DYNC1H1: variants seen among roughly 807,000 people sequenced by gnomAD.
The protein encoded by DYNC1H1 is dynein cytoplasmic 1 heavy chain 1.
DYNC1H1 carries 51 observed loss-of-function variants against 527.1 expected under a neutral mutation model. That is an observed-to-expected ratio of 0.10 (90% CI 0.08 to 0.12). DYNC1H1 has a LOEUF of 0.12. DYNC1H1 is among the 10% of genes least tolerant of loss of function. DYNC1H1 has a pLI of 1.00. For missense variants in DYNC1H1, 2,771 were observed against 5,971.8 expected (o/e 0.46, Z 17.66); for synonymous variants, 2,189 against 2,278.8 (o/e 0.96, Z 1.12).
In DYNC1H1 at chr14:102,036,395, C is replaced by A; in HGVS notation, c.10755-94C>A. ...CTCTCGGGTGGTGGTAACAGCCTAT[C>A]AATCAGGGTCTCTCATCAGGGACTC... On this transcript the variant is annotated intron_variant, in intron 56 of 77. Transcript: ENST00000360184. This position sits in a 1 kb window ranked among gnomAD's most constrained non-coding sequence, Gnocchi z 5.6. 2 of 1,549,514 alleles carry A rather than the reference C, an allele frequency of 1.3e-6. No individual in the cohort carries two copies. Among genetic ancestry groups the A allele is most frequent in the South Asian group, 1.1e-5 (1 of 89,110 alleles).
Position 102,039,814 on chromosome 14 carries a change from A to G in DYNC1H1, c.11690+82A>G. ...TCATGATCAGATACATGCTTTTATT[A>G]TTTCTTTTATTTTCTCTTTTATTTT... On this transcript the variant is annotated intron_variant, in intron 62 of 77. Coordinates refer to ENST00000360184, the MANE Select transcript of DYNC1H1 (RefSeq NM_001376.5). This position sits in a 1 kb window ranked among gnomAD's most constrained non-coding sequence, Gnocchi z 7.0. The G allele has an allele frequency of 7.0e-7, 1 of 1,424,698 alleles. No homozygotes were observed. Among genetic ancestry groups the G allele is most frequent in the South Asian group, 1.2e-5 (1 of 82,998 alleles). The allele number at this position is 1,424,698 out of a possible 1,614,324, so 88.3% of individuals were successfully genotyped here.
Position 102,002,629 on chromosome 14 carries a change from C to G in DYNC1H1, c.4635C>G (p.Val1545=), listed in dbSNP as rs1416911485. Residue 1545 remains valine, a synonymous_variant, in exon 22 of 78, where the codon GTC becomes GTG. Coordinates refer to ENST00000360184, the MANE Select transcript of DYNC1H1 (RefSeq NM_001376.5). The surrounding 1 kb of genome is among the most constrained non-coding windows in gnomAD (Gnocchi z 4.4). Reference sequence around the variant, plus strand: ...GGATTGATGTGCAGAGGCGGTGGGTCTACCTGGAAGGTATCTTCACAGGCA... The same window carrying G: ...GGATTGATGTGCAGAGGCGGTGGGTGTACCTGGAAGGTATCTTCACAGGCA... ...DVWIDVQRRW[V]YLEGIFTGSA... is the part of the protein sequence containing the mutation. 2.5e-6 allele frequency: 4 copies of G among 1,614,168 alleles called. No individual in the cohort carries two copies. Among genetic ancestry groups the G allele is most frequent in the Non-Finnish European group, 3.4e-6 (4 of 1,180,038 alleles).
chr14:102,019,446 T>C (rs1000900132), intron 41 of DYNC1H1, among the ~76,000 whole-genome samples: 4 of 152,256 alleles, frequency 2.6e-5, no homozygotes, highest in Non-Finnish European at 4.4e-5. Flanking sequence ...GCAGATGCTT[T>C]TTCCCAGTAT....
In DYNC1H1 at chr14:102,029,324, G is replaced by A. The variant is rs1368749518; in HGVS notation, c.9469-215G>A. The A allele has an allele frequency of 3.3e-6, 2 of 602,996 alleles. No individual in the cohort carries two copies. The highest frequency in any genetic ancestry group is 5.8e-6 in the Non-Finnish European group (2 of 343,050). The allele number at this position is 602,996 out of a possible 1,614,324, so 37.4% of individuals were successfully genotyped here. A position where few individuals can be genotyped will look rare whatever the true frequency, so the allele number is the denominator to read the frequency against. Reference sequence around the variant, plus strand: ...AAAGTTGGTGTAATCACCATCCTCAGTTTAGAGAAGTTAAAGGGCTTAGAG... The same window carrying A: ...AAAGTTGGTGTAATCACCATCCTCAATTTAGAGAAGTTAAAGGGCTTAGAG... On this transcript the variant is annotated intron_variant, in intron 48 of 77. Transcript: ENST00000360184. This position sits in a 1 kb window ranked among gnomAD's most constrained non-coding sequence, Gnocchi z 5.3.
chr14:102,007,482 G>A (rs2048210012), intron 28 of DYNC1H1, among the ~76,000 whole-genome samples: 1 of 151,928 alleles, frequency 6.6e-6, no homozygotes, highest in South Asian at 2.1e-4. Context: ...GATTTTTTTG[G>A]CACAGAAGGA....
chr14:101,984,450 AT>A lies in DYNC1H1; in HGVS notation c.1461+863del, dbSNP rs34383305. Among the ~76,000 whole-genome samples the A allele has an allele frequency of 3.6e-3, 255 of 69,936 alleles. 1 individual carries two copies. The highest frequency in any genetic ancestry group is 0.01 in the African/African-American group (161 of 15,380). 45.9% of individuals were successfully genotyped at this position (69,936 alleles called of 152,430 possible). On this transcript the variant is annotated intron_variant, in intron 7 of 77. Coordinates refer to ENST00000360184, the MANE Select transcript of DYNC1H1 (RefSeq NM_001376.5). Reference sequence around the variant, plus strand: ...GTGTGTGTATATATATATATATTATATTTTTTTTTTTTTTTTTTTTTTGAGA... The same window carrying A: ...GTGTGTGTATATATATATATATTATATTTTTTTTTTTTTTTTTTTTTGAGA...
chr14:102,016,746 A>G lies in DYNC1H1; in HGVS notation c.7615-20A>G. Reference sequence around the variant, plus strand: ...GCACCTTGGTTGCAGCCGGACTCACACTTCCATCTCCGTGTGTAGGTGTCC... The same window carrying G: ...GCACCTTGGTTGCAGCCGGACTCACGCTTCCATCTCCGTGTGTAGGTGTCC... On this transcript the variant is annotated intron_variant, in intron 37 of 77. Coordinates refer to ENST00000360184, the MANE Select transcript of DYNC1H1 (RefSeq NM_001376.5). The surrounding 1 kb of genome is among the most constrained non-coding windows in gnomAD (Gnocchi z 7.3). The G allele has an allele frequency of 6.2e-7, 1 of 1,612,208 alleles. No homozygotes were observed. Among genetic ancestry groups the G allele is most frequent in the Non-Finnish European group, 8.5e-7 (1 of 1,179,394 alleles).
intron 1 of DYNC1H1, among the ~76,000 whole-genome samples, chr14:101,969,184 ATT>A (rs33934050): frequency 0.033 from 4,575 of 139,146 alleles, 156 homozygotes; most frequent in African/African-American, 0.095. Context: ...CACCTGGTTA[ATT>A]TTTTTTTTTT....
At chr14:102,013,939 T>TG in intron 34 of DYNC1H1, among the ~76,000 whole-genome samples, 1 of 152,296 alleles carries the variant, frequency 6.6e-6, no homozygotes, top group Non-Finnish European at 1.5e-5. Context: ...TCAAGGATGA[T>TG]GCGAGGTTTC....
rs17541428 is a variant in DYNC1H1, at chr14:102,034,706, G to A, written c.10754+254G>A. 8,001 of 594,662 alleles carry A rather than the reference G, an allele frequency of 0.013. 497 individuals carry two copies. Among genetic ancestry groups the A allele is most frequent in the African/African-American group, 0.13 (7,168 of 54,016 alleles). 36.8% of individuals were successfully genotyped at this position (594,662 alleles called of 1,614,324 possible). A position where few individuals can be genotyped will look rare whatever the true frequency, so the allele number is the denominator to read the frequency against. On this transcript the variant is annotated intron_variant, in intron 56 of 77. Transcript: ENST00000360184. ...GCAGGGGCCAGGCACAGTGGATCAC[G>A]TGAGGTCAGGAGTTTGAGACCAGCC...
chr14:102,045,260 A>G (rs1190607), intron 72 of DYNC1H1: 59,149 of 171,818 alleles, frequency 0.34, 13,821 homozygotes, highest in African/African-American at 0.7. Flanking sequence ...CCGAGATCAC[A>G]TCACTCTACT....
rs1339897337 is a variant in DYNC1H1 at position 102,038,888 on chromosome 14, G to A, written c.11206+40G>A. The A allele has an allele frequency of 6.2e-7, 1 of 1,614,034 alleles. No individual in the cohort carries two copies. Among genetic ancestry groups the A allele is most frequent in the Admixed American group, 1.7e-5 (1 of 60,014 alleles). Reference sequence around the variant, plus strand: ...TGTGGCTTTTAGATGGTTGGTGCAGGGGAAGGGGCTGAACTTTTAAGTGAC... The same window carrying A: ...TGTGGCTTTTAGATGGTTGGTGCAGAGGAAGGGGCTGAACTTTTAAGTGAC... On this transcript the variant is annotated intron_variant, in intron 59 of 77. Transcript: ENST00000360184. This position sits in a 1 kb window ranked among gnomAD's most constrained non-coding sequence, Gnocchi z 7.2.
chr14:101,978,036 G>A (rs1218515877), intron 2 of DYNC1H1, among the ~76,000 whole-genome samples: 2 of 152,064 alleles, frequency 1.3e-5, no homozygotes. Context: ...ACAGGCACCT[G>A]CCACCACACC....
At chr14:102,032,188 C>T (rs1375716104) in intron 51 of DYNC1H1, 84 bp from the exon 52 acceptor site, 6 of 1,545,024 alleles carry the variant, frequency 3.9e-6, no homozygotes, top group African/African-American at 2.7e-5. Context: ...AGTTGGAGCT[C>T]CTGGCTGTTT....
At chr14:101,973,050 T>G (rs1339980119) in intron 1 of DYNC1H1, among the ~76,000 whole-genome samples, 1 of 152,174 alleles carries the variant, frequency 6.6e-6, no homozygotes, top group Non-Finnish European at 1.5e-5. Context: ...GTTGCTTTCT[T>G]TAGTTTTTTT....
intron 15 of DYNC1H1, 47 bp from the exon 16 acceptor site, chr14:101,996,988 T>A: frequency 6.3e-7 from 1 of 1,580,252 alleles, no homozygotes; most frequent in Non-Finnish European, 8.6e-7. Flanking sequence ...ATAATTTCTA[T>A]CATTGTTATA....
chr14:101,973,250 C>G (rs1429457081), intron 1 of DYNC1H1, among the ~76,000 whole-genome samples: 1 of 151,278 alleles, frequency 6.6e-6, no homozygotes. Context: ...CCTCCACCTC[C>G]CAGGTTGAAG....
rs201720217 is a variant in DYNC1H1, at chr14:102,016,462, G to A, written c.7587G>A (p.Ala2529=). The A allele has an allele frequency of 9.2e-5, 148 of 1,614,070 alleles. No homozygotes were observed. The highest frequency in any genetic ancestry group is 3.3e-4 in the East Asian group (15 of 44,886). The change falls in exon 37 of 78, where the codon GCG becomes GCA. Residue 2529 remains alanine (A), a synonymous_variant. Transcript: ENST00000360184. This position sits in a 1 kb window ranked among gnomAD's most constrained non-coding sequence, Gnocchi z 7.3. ...RRITTVPLPT[A]PNIPIIDYEV... ...TCACGACCGTGCCTCTGCCCACTGC[G>A]CCCAACATACCCATTATCGATTATG...
Position 102,041,605 on chromosome 14 carries a change from C to T in DYNC1H1, c.11973C>T (p.Leu3991=). The change falls in exon 65 of 78, where the codon CTC becomes CTT. Residue 3991 remains leucine (L), a synonymous_variant. Coordinates refer to ENST00000360184, the MANE Select transcript of DYNC1H1 (RefSeq NM_001376.5). The surrounding 1 kb of genome is among the most constrained non-coding windows in gnomAD (Gnocchi z 4.5). ...TPIGQAIHRL[L]LIQAFRPDRL... is the part of the protein sequence containing the mutation. ...TTGGCCAGGCCATCCACCGCCTGCT[C>T]CTGATCCAGGCTTTCCGGCCCGATC... is the stretch of plus-strand genomic sequence containing the variant. 1 of 1,614,200 alleles carries T rather than the reference C, an allele frequency of 6.2e-7. No individual in the cohort carries two copies. Among genetic ancestry groups the T allele is most frequent in the Non-Finnish European group, 8.5e-7 (1 of 1,180,042 alleles).
Sources: allele counts gnomAD v4.1 joint callset (sites outside exome capture counted in the v4.1 genomes callset), GRCh38; gene constraint gnomAD v4.1.1; non-coding constraint Gnocchi (gnomAD v3.1); transcripts MANE v1.5; gene names NCBI Gene and HGNC (gene_info 2026-07-23, HGNC 2026-07-21).